ZMYM2: variants seen among roughly 807,000 people sequenced by gnomAD.
ZMYM2 encodes the protein zinc finger MYM-type containing 2, also known as zinc finger MYM-type protein 2.
ZMYM2 carries 56 observed loss-of-function variants against 162.8 expected under a neutral mutation model. That is an observed-to-expected ratio of 0.34 (90% CI 0.28 to 0.43). The LOEUF (loss-of-function observed/expected upper bound fraction) is 0.43. Ranked by LOEUF, ZMYM2 falls within the 20% of genes least tolerant of loss-of-function variation. The pLI, the probability that ZMYM2 is intolerant of heterozygous loss-of-function variation, is 1.00. For synonymous variants in ZMYM2, 510 were observed against 541.6 expected (o/e 0.94, Z 0.81); for missense variants, 1,275 against 1,621.8 (o/e 0.79, Z 3.67).
intron 2 of ZMYM2, among the ~76,000 whole-genome samples, chr13:19,978,047 T>G: frequency 6.6e-6 from 1 of 151,466 alleles, no homozygotes. Context: ...TGGCTAATGT[T>G]TTTGTATTTT....
At chr13:19,987,523 A>G (rs1007768647) in intron 2 of ZMYM2, among the ~76,000 whole-genome samples, 6 of 151,652 alleles carry the variant, frequency 4.0e-5, no homozygotes, top group South Asian at 2.1e-4. Context: ...TGGGCCTCCC[A>G]AAGTGCTGGG....
chr13:20,017,340 A>G (rs1951711488), intron 6 of ZMYM2, among the ~76,000 whole-genome samples: 1 of 152,182 alleles, frequency 6.6e-6, no homozygotes, highest in African/African-American at 2.4e-5. Context: ...CTGTTTCTCT[A>G]GGCTGCTATT....
the ZMYM2 span, among the ~76,000 whole-genome samples, chr13:19,881,234 A>G: frequency 0.11 from 16,165 of 152,184 alleles, 986 homozygotes; most frequent in Middle Eastern, 0.14. Context: ...ATGGAAAACG[A>G]TAATTTATTT....
chr13:20,027,000 C>T (rs965567242), intron 8 of ZMYM2, among the ~76,000 whole-genome samples: 17 of 151,924 alleles, frequency 1.1e-4, no homozygotes, highest in African/African-American at 4.1e-4. Flanking sequence ...TGAGTTTTTT[C>T]TCTATATCTA....
the ZMYM2 span, among the ~76,000 whole-genome samples, chr13:19,892,288 T>C: frequency 1.3e-5 from 2 of 151,766 alleles, no homozygotes; most frequent in South Asian, 2.1e-4. Flanking sequence ...TATTTATTTT[T>C]TGAGACGGAG....
At chr13:19,972,811 C>A (rs1016656906) in intron 2 of ZMYM2, among the ~76,000 whole-genome samples, 1 of 151,944 alleles carries the variant, frequency 6.6e-6, no homozygotes, top group East Asian at 1.9e-4. Context: ...CCACATTCTT[C>A]CCAACACTGT....
the ZMYM2 span, among the ~76,000 whole-genome samples, chr13:19,913,242 T>C: frequency 1.3e-5 from 2 of 152,114 alleles, no homozygotes; most frequent in Non-Finnish European, 2.9e-5. Flanking sequence ...AGAAAGACCT[T>C]CTGGGCTGCT....
chr13:20,019,015 G>A (rs920013228), intron 6 of ZMYM2, among the ~76,000 whole-genome samples: 8 of 151,204 alleles, frequency 5.3e-5, no homozygotes, highest in African/African-American at 1.9e-4. Context: ...AGGAGGTGGA[G>A]GTTGCAGTGA....
the ZMYM2 span, among the ~76,000 whole-genome samples, chr13:19,892,564 C>T: frequency 6.6e-6 from 1 of 151,840 alleles, no homozygotes; most frequent in Non-Finnish European, 1.5e-5. Context: ...CATGAGCCAC[C>T]GCGCCTGTCC....
chr13:19,972,396 C>T (rs779096915), intron 2 of ZMYM2, among the ~76,000 whole-genome samples: 1 of 152,018 alleles, frequency 6.6e-6, no homozygotes, highest in Non-Finnish European at 1.5e-5. Context: ...ATTACATTTA[C>T]CCTTAAGAAT....
the ZMYM2 span, among the ~76,000 whole-genome samples, chr13:19,943,166 T>C: frequency 3.3e-5 from 5 of 152,136 alleles, no homozygotes; most frequent in African/African-American, 1.2e-4. Flanking sequence ...ATTACAGTCA[T>C]ATGGCCGTCT....
intron 21 of ZMYM2, among the ~76,000 whole-genome samples, chr13:20,077,552 A>C (rs1365005395): frequency 7.0e-6 from 1 of 142,472 alleles, no homozygotes; most frequent in Admixed American, 6.7e-5. Flanking sequence ...ACAATGAAAA[A>C]GTATAGGAAT....
chr13:20,006,594 A>T lies in ZMYM2; in HGVS notation c.1512+8A>T. 1 of 1,612,972 alleles carries T rather than the reference A, an allele frequency of 6.2e-7. No individual in the cohort carries two copies. Among genetic ancestry groups the T allele is most frequent in the Non-Finnish European group, 8.5e-7 (1 of 1,179,324 alleles). ...GTCAGTGAATACAAACAGGTAATTC[A>T]TGTTCTAATCAAAATTGGGCATTCT... On this transcript the variant is annotated splice_region_variant and intron_variant, in intron 6 of 24. Transcript: ENST00000610343.
At chr13:19,918,971 C>T in the ZMYM2 span, among the ~76,000 whole-genome samples, 1 of 152,122 alleles carries the variant, frequency 6.6e-6, no homozygotes, top group Non-Finnish European at 1.5e-5. Context: ...ACTGTTCTAT[C>T]ACCTCAAAGA....
the ZMYM2 span, among the ~76,000 whole-genome samples, chr13:19,870,545 T>TCC: frequency 2.7e-4 from 30 of 111,952 alleles, no homozygotes; most frequent in Middle Eastern, 4.0e-3. Context: ...TTCTCTTTCT[T>TCC]TCTTTCTTCC....
chr13:19,964,337 C>G (rs759784713), intron 2 of ZMYM2, among the ~76,000 whole-genome samples: 24 of 151,926 alleles, frequency 1.6e-4, no homozygotes, highest in Non-Finnish European at 3.2e-4. Context: ...GATTGCACCA[C>G]TGCACTCCAG....
intron 6 of ZMYM2, among the ~76,000 whole-genome samples, chr13:20,006,954 G>A (rs1594316304): frequency 6.6e-6 from 1 of 152,164 alleles, no homozygotes; most frequent in African/African-American, 2.4e-5. Flanking sequence ...GAACATCTGT[G>A]TATGTAGATT....
the ZMYM2 span, among the ~76,000 whole-genome samples, chr13:19,904,424 G>A: frequency 1.5e-5 from 2 of 135,818 alleles, no homozygotes; most frequent in South Asian, 2.1e-4. Context: ...CGGGCGTGGT[G>A]GCAGGCACCT....
chr13:19,948,652 G>C, the ZMYM2 span, among the ~76,000 whole-genome samples: 4 of 152,140 alleles, frequency 2.6e-5, no homozygotes, highest in Non-Finnish European at 5.9e-5. Flanking sequence ...GTAAAACCAA[G>C]GGTAAACTCT....
Sources: gnomAD v4.1 joint callset for allele counts (sites outside exome capture counted in the v4.1 genomes callset) on GRCh38, gnomAD v4.1.1 for gene constraint, MANE v1.5 for transcripts, NCBI Gene and HGNC (gene_info 2026-07-23, HGNC 2026-07-21) for gene names.